AKT3: variants seen among roughly 807,000 people sequenced by gnomAD.
The protein encoded by AKT3 is RAC-gamma serine/threonine-protein kinase.
In AKT3, 15 loss-of-function variants were observed where a neutral mutation model predicts 65.3. The ratio of observed to expected loss-of-function variants is 0.23; its 90% CI spans 0.15 to 0.35. The LOEUF is 0.35. Ranked by LOEUF, AKT3 falls within the 10% of genes least tolerant of loss-of-function variation. The pLI, the probability that AKT3 is intolerant of heterozygous loss-of-function variation, is 1.00. For synonymous variants in AKT3, 206 were observed against 183.8 expected, an observed-to-expected ratio of 1.12 and a Z score of -0.98; for missense variants, 243 against 576.5, an observed-to-expected ratio of 0.42 and a Z score of 5.92.
At position 243,500,414 on chromosome 1, in the gene AKT3, T is replaced by C. The variant is rs559718404; in HGVS notation, c.*4835A>G. ...TTGGCTCGGTGGTGTCAGATTTTTT[T>C]CTTCAATACGCAGTATTTGAGAGGA... On this transcript the variant is annotated 3_prime_UTR_variant, in exon 14 of 14. Transcript: ENST00000673466. The C allele has an allele frequency of 1.2e-3, 281 of 226,124 alleles. 2 individuals carry two copies. Among genetic ancestry groups the C allele is most frequent in the Non-Finnish European group, 1.8e-3 (210 of 113,758 alleles). 14.0% of individuals were successfully genotyped at this position (226,124 alleles called of 1,614,324 possible).
chr1:243,616,142 T>C (rs979885595), intron 6 of AKT3, among the ~76,000 whole-genome samples: 1 of 151,752 alleles, frequency 6.6e-6, no homozygotes, highest in African/African-American at 2.4e-5. Context: ...GAGATTTTGG[T>C]GCACCCATCA....
intron 2 of AKT3, among the ~76,000 whole-genome samples, chr1:243,742,355 G>T (rs1461787826): frequency 1.3e-5 from 2 of 152,200 alleles, no homozygotes; most frequent in African/African-American, 2.4e-5. Context: ...GTCAGGCATG[G>T]TGGTTCACAC....
intron 8 of AKT3, among the ~76,000 whole-genome samples, chr1:243,597,625 C>T (rs1014903962): frequency 4.6e-5 from 7 of 152,128 alleles, no homozygotes; most frequent in East Asian, 3.9e-4. Context: ...TTCAGTCTCT[C>T]GAGTAGCTGG....
At chr1:243,572,823 C>T in intron 9 of AKT3, 103 bp downstream of exon 9, 2 of 1,246,286 alleles carry the variant, frequency 1.6e-6, no homozygotes, top group Non-Finnish European at 2.1e-6. Flanking sequence ...TTTTTCCCAA[C>T]TAAATCTGCT....
chr1:243,788,874 T>TACA (rs1431526174), intron 2 of AKT3: 1 of 152,322 alleles, frequency 6.6e-6, no homozygotes, highest in Non-Finnish European at 1.5e-5. Context: ...CTCTTCCTTA[T>TACA]GAAATATATC....
rs12567675 is a variant in AKT3, at chr1:243,783,885, G to A, written c.46+59240C>T. 4.5e-4 allele frequency among the ~76,000 whole-genome samples: 68 copies of A among 152,212 alleles called. No individual in the cohort carries two copies. In the East Asian group the frequency reaches 7.9e-3, roughly 18 times the overall value. On this transcript the variant is annotated intron_variant, in intron 2 of 13. Coordinates refer to ENST00000673466, the MANE Select transcript of AKT3 (RefSeq NM_005465.7). ...ATGCTAGTATTATAAATAAACCCAT[G>A]GGAAAATGTACAAATTCCAGCTTTT...
intron 2 of AKT3, among the ~76,000 whole-genome samples, chr1:243,815,220 T>G (rs1269764434): frequency 1.3e-5 from 2 of 152,186 alleles, no homozygotes; most frequent in Non-Finnish European, 2.9e-5. Flanking sequence ...CTTTTACATT[T>G]TATACATAAG....
chr1:243,559,983 G>A (rs2148480703), intron 10 of AKT3, among the ~76,000 whole-genome samples: 1 of 152,256 alleles, frequency 6.6e-6, no homozygotes, highest in South Asian at 2.1e-4. Flanking sequence ...CACTGACCAT[G>A]TAAATCTGAT....
chr1:243,508,772 C>T (rs7523102), intron 13 of AKT3, among the ~76,000 whole-genome samples: 55,760 of 150,776 alleles, frequency 0.37, 12,787 homozygotes, highest in African/African-American at 0.65. Context: ...TTCAAGCGAT[C>T]CTCCTGCCTC....
rs376802499 is a variant in AKT3 at position 243,795,168 on chromosome 1, C to T, written c.46+47957G>A. 3.3e-4 allele frequency among the ~76,000 whole-genome samples: 50 copies of T among 151,612 alleles called. 1 individual carries two copies. In the East Asian group the frequency reaches 9.3e-3, roughly 28 times the overall value. ...TTTTTTTTTTAATGTTGGAGTCTTCCCCCAGATGACCAATGGTGTTAGATT... is the reference window on the plus strand; with the variant it reads ...TTTTTTTTTTAATGTTGGAGTCTTCTCCCAGATGACCAATGGTGTTAGATT... On this transcript the variant is annotated intron_variant, in intron 2 of 13. Transcript: ENST00000673466.
rs1303505580 is a variant in AKT3, at chr1:243,586,281, G to GT, written c.697-13234dup. Among the ~76,000 whole-genome samples, 15 of 152,136 alleles carry GT rather than the reference G, an allele frequency of 9.9e-5. 1 individual carries two copies. On this transcript the variant is annotated intron_variant, in intron 8 of 13. Transcript: ENST00000673466. ...AGGCTGCAGAGAAAAGGGGATGCTT[G>GT]TAACACTGTTGGTGGGAATGTACAT...
At chr1:243,810,112 G>T (rs985074959) in intron 2 of AKT3, among the ~76,000 whole-genome samples, 2 of 152,056 alleles carry the variant, frequency 1.3e-5, no homozygotes, top group Non-Finnish European at 2.9e-5. Flanking sequence ...ACAATTAAAA[G>T]AACTAGAGAA....
chr1:243,555,571 A>G (rs1457136064), intron 10 of AKT3, among the ~76,000 whole-genome samples: 1 of 152,162 alleles, frequency 6.6e-6, no homozygotes, highest in Non-Finnish European at 1.5e-5. Flanking sequence ...TATAAAATTT[A>G]CATTTTTTTA....
intron 3 of AKT3, among the ~76,000 whole-genome samples, chr1:243,665,860 T>A (rs1249023952): frequency 6.6e-6 from 1 of 152,164 alleles, no homozygotes; most frequent in Non-Finnish European, 1.5e-5. Flanking sequence ...CTCTGCTCTT[T>A]TGGAAGAAAC....
intron 11 of AKT3, among the ~76,000 whole-genome samples, chr1:243,550,789 C>CAA (rs60834632): frequency 0.35 from 11,797 of 33,530 alleles, 2,863 homozygotes; most frequent in South Asian, 0.58. Flanking sequence ...ACTAAAATAC[C>CAA]AAAAAAAAAA....
intron 8 of AKT3, among the ~76,000 whole-genome samples, chr1:243,584,333 A>C (rs1053754860): frequency 1.4e-4 from 22 of 152,178 alleles, no homozygotes; most frequent in African/African-American, 5.1e-4. Context: ...AAAACCTACC[A>C]ACCAAAAAAG....
At chr1:243,685,537 C>T (rs1398107338) in intron 3 of AKT3, among the ~76,000 whole-genome samples, 20 of 152,124 alleles carry the variant, frequency 1.3e-4, no homozygotes, top group African/African-American at 4.6e-4. Flanking sequence ...CATTGGTCTA[C>T]ATGTCTGTTT....
chr1:243,581,522 G>A (rs1354879999), intron 8 of AKT3, among the ~76,000 whole-genome samples: 1 of 152,026 alleles, frequency 6.6e-6, no homozygotes, highest in Non-Finnish European at 1.5e-5. Flanking sequence ...ACATTCTGAA[G>A]GGAGGGGAAG....
At chr1:243,702,600 C>T (rs952343227) in intron 2 of AKT3, among the ~76,000 whole-genome samples, 1 of 152,140 alleles carries the variant, frequency 6.6e-6, no homozygotes, top group African/African-American at 2.4e-5. Context: ...TATAATCCAA[C>T]TACAAACCAC....
Sources: gnomAD v4.1 joint callset for allele counts (sites outside exome capture counted in the v4.1 genomes callset) on GRCh38, gnomAD v4.1.1 for gene constraint, MANE v1.5 for transcripts, NCBI Gene and HGNC (gene_info 2026-07-23, HGNC 2026-07-21) for gene names.